Variants in SLC22A3 observed in about 807,000 individuals in gnomAD.
SLC22A3 encodes solute carrier family 22 member 3.
In SLC22A3, 51 loss-of-function variants were observed where a neutral mutation model predicts 59.1. That is an observed-to-expected ratio of 0.86 (90% confidence interval 0.69 to 1.09). The LOEUF is 1.09. Among genes scored for constraint, SLC22A3 ranks in the 50% least tolerant of loss-of-function variants. SLC22A3 has a pLI of 0.00. For missense variants in SLC22A3, 711 were observed against 726.3 expected, an observed-to-expected ratio of 0.98 and a Z score of 0.24; for synonymous variants, 325 against 292.0, an observed-to-expected ratio of 1.11 and a Z score of -1.15.
At chr6:160,437,664 T>G (rs548757088) in intron 7 of SLC22A3, among the ~76,000 whole-genome samples, 2 of 152,232 alleles carry the variant, frequency 1.3e-5, no homozygotes, top group African/African-American at 2.4e-5. Flanking sequence ...ATTCTTATTG[T>G]CATGAATTAT....
At chr6:160,383,361 A>G (rs73782569) in intron 1 of SLC22A3, among the ~76,000 whole-genome samples, 1,905 of 152,082 alleles carry the variant, frequency 0.013, 47 homozygotes, top group African/African-American at 0.043. Context: ...CTTCAAATGT[A>G]ATTGTCAGAA....
Position 160,436,864 on chromosome 6 carries a change from C to T in SLC22A3, c.1060C>T (p.Leu354Phe). Reference protein sequence around the residue: ...TPQMRKCTLILMFAWFTSAVV... With the variant: ...TPQMRKCTLIFMFAWFTSAVV... ...CCAAATGAGGAAATGCACACTTATTCTTATGTTTGCTTGGTAAGTTTGACT... is the reference window on the plus strand; with the variant it reads ...CCAAATGAGGAAATGCACACTTATTTTTATGTTTGCTTGGTAAGTTTGACT... The change falls in exon 6 of 11, where the codon CTT (leucine) becomes TTT (phenylalanine). Residue 354 changes from leucine to phenylalanine, a missense_variant. Leu to Phe is a conservative substitution (Grantham distance 22). Transcript: ENST00000275300. The T allele has an allele frequency of 6.2e-7, 1 of 1,613,386 alleles. No individual in the cohort carries two copies. The highest frequency in any genetic ancestry group is 8.5e-7 in the Non-Finnish European group (1 of 1,179,428).
At position 160,348,846 on chromosome 6, in the gene SLC22A3, G is replaced by C; in HGVS notation, c.427G>C (p.Glu143Gln). 2 of 1,583,210 alleles carry C rather than the reference G, an allele frequency of 1.3e-6. No individual in the cohort carries two copies. The highest frequency in any genetic ancestry group is 1.1e-5 in the South Asian group (1 of 88,120). Residue 143 changes from glutamate to glutamine, a missense_variant and splice_region_variant, in exon 1 of 11, where the codon GAG becomes CAG. Physicochemically the swap from Glu to Gln is conservative, Grantham distance 29. Coordinates refer to ENST00000275300, the MANE Select transcript of SLC22A3 (RefSeq NM_021977.4). ...YAQAHSTIVSEFDLVCVNAWM... is the reference protein window; with the variant it reads ...YAQAHSTIVSQFDLVCVNAWM... Reference sequence around the variant, plus strand: ...CCAGGCCCACTCCACCATCGTCAGCGAGGTAAGGGCGCCCCGGCCCTTTGG... The same window carrying C: ...CCAGGCCCACTCCACCATCGTCAGCCAGGTAAGGGCGCCCCGGCCCTTTGG...
At chr6:160,434,587 T>C (rs1196685021) in intron 5 of SLC22A3, among the ~76,000 whole-genome samples, 1 of 152,242 alleles carries the variant, frequency 6.6e-6, no homozygotes, top group African/African-American at 2.4e-5. Context: ...ACACTAGCCA[T>C]TTTAATGTAT....
At chr6:160,437,482 C>T (rs1294686754) in intron 7 of SLC22A3, among the ~76,000 whole-genome samples, 1 of 152,178 alleles carries the variant, frequency 6.6e-6, no homozygotes, top group African/African-American at 2.4e-5. Context: ...TTCTGTTACT[C>T]ATCTTTATGT....
rs541350692 is a variant in SLC22A3, at chr6:160,443,501, G to A, written c.1398-129G>A. On this transcript the variant is annotated intron_variant, in intron 8 of 10. Transcript: ENST00000275300. ...TTTGCTTAGAGTTCTGAGAGTAGTC[G>A]TTTTCAAAGTTAGAAAATGCAAAGT... 7.8e-5 allele frequency: 54 copies of A among 695,412 alleles called. No homozygotes were observed. In the African/African-American group the frequency reaches 8.6e-4, roughly 11 times the overall value. The allele number at this position is 695,412 out of a possible 1,614,324, so 43.1% of individuals were successfully genotyped here.
intron 9 of SLC22A3, among the ~76,000 whole-genome samples, chr6:160,444,421 C>G (rs954703859): frequency 1.3e-5 from 2 of 152,170 alleles, no homozygotes; most frequent in South Asian, 4.1e-4. Flanking sequence ...GGTGTTCTCT[C>G]TCTATGGATA....
At chr6:160,374,240 G>A (rs551083871) in intron 1 of SLC22A3, among the ~76,000 whole-genome samples, 6 of 152,280 alleles carry the variant, frequency 3.9e-5, no homozygotes, top group African/African-American at 1.4e-4. Flanking sequence ...GTTTCTCAAG[G>A]CTTCTCTTGG....
chr6:160,422,879 C>T lies in SLC22A3; in HGVS notation c.975+12033C>T, dbSNP rs551102110. Among the ~76,000 whole-genome samples the T allele has an allele frequency of 2.2e-3, 328 of 151,908 alleles. 3 individuals are homozygous for T. Among genetic ancestry groups the T allele is most frequent in the African/African-American group, 7.7e-3 (317 of 41,380 alleles). ...TAAGTTCTAGGGTACATGTGCACAA[C>T]GTGCAGGTTTGTTACATATGTATAC... On this transcript the variant is annotated intron_variant, in intron 5 of 10. Transcript: ENST00000275300.
intron 5 of SLC22A3, among the ~76,000 whole-genome samples, chr6:160,429,714 G>C (rs1026007152): frequency 6.6e-6 from 1 of 152,132 alleles, no homozygotes; most frequent in Non-Finnish European, 1.5e-5. Flanking sequence ...GCAAGGTTGC[G>C]TACGTGGTAT....
chr6:160,450,375 A>C (rs1034884446), intron 10 of SLC22A3, among the ~76,000 whole-genome samples: 7 of 152,180 alleles, frequency 4.6e-5, no homozygotes, highest in Admixed American at 3.9e-4. Flanking sequence ...ATTCTGCCCG[A>C]TCCCACAAGC....
At chr6:160,431,915 G>A (rs1383086742) in intron 5 of SLC22A3, among the ~76,000 whole-genome samples, 2 of 152,070 alleles carry the variant, frequency 1.3e-5, no homozygotes, top group Admixed American at 1.3e-4. Context: ...ATTCAGGGTT[G>A]GCCAGACCAG....
intron 3 of SLC22A3, among the ~76,000 whole-genome samples, chr6:160,407,657 G>C (rs1023121967): frequency 1.3e-5 from 2 of 152,064 alleles, no homozygotes; most frequent in African/African-American, 4.8e-5. Flanking sequence ...GGAGAAATAG[G>C]TTCTAAAAAT....
chr6:160,393,095 G>A (rs184787299), intron 1 of SLC22A3, among the ~76,000 whole-genome samples: 1 of 151,800 alleles, frequency 6.6e-6, no homozygotes, highest in Admixed American at 6.6e-5. Flanking sequence ...TATTTCCGAT[G>A]GCTTATAACT....
rs1282270309 is a variant in SLC22A3, at chr6:160,437,186, C to T, written c.1263C>T (p.Cys421=). 2 of 1,613,962 alleles carry T rather than the reference C, an allele frequency of 1.2e-6. No homozygotes were observed. Among genetic ancestry groups the T allele is most frequent in the South Asian group, 1.1e-5 (1 of 91,088 alleles). ...GCAATATAGTGGCAGGGGTGGCATGCCTTGTCACTGCGTTCTTACCAGAAG... is the reference window on the plus strand; with the variant it reads ...GCAATATAGTGGCAGGGGTGGCATGTCTTGTCACTGCGTTCTTACCAGAAG... ...AASNIVAGVA[C]LVTAFLPEGI... is the part of the protein sequence containing the mutation. Residue 421 remains cysteine, a synonymous_variant, in exon 7 of 11, where the codon TGC becomes TGT. Transcript: ENST00000275300.
At chr6:160,416,715 T>C (rs996436726) in intron 5 of SLC22A3, among the ~76,000 whole-genome samples, 1 of 152,230 alleles carries the variant, frequency 6.6e-6, no homozygotes, top group African/African-American at 2.4e-5. Context: ...TCCTGCTTGT[T>C]ACTTGTAGTG....
At chr6:160,394,639 G>T (rs1282571837) in intron 1 of SLC22A3, among the ~76,000 whole-genome samples, 1 of 152,226 alleles carries the variant, frequency 6.6e-6, no homozygotes, top group African/African-American at 2.4e-5. Context: ...AAGATGGCAA[G>T]ATCCCAGTCA....
chr6:160,451,053 T>A lies in SLC22A3; in HGVS notation c.1668T>A (p.Leu556=). The A allele has an allele frequency of 6.3e-7, 1 of 1,591,992 alleles. No homozygotes were observed. The highest frequency in any genetic ancestry group is 8.6e-7 in the Non-Finnish European group (1 of 1,167,210). Residue 556 remains leucine, a synonymous_variant, in exon 11 of 11, where the codon CTT becomes CTA. Transcript: ENST00000275300. ...NKKTPVSRSH[L] is the part of the protein sequence containing the mutation. Reference sequence around the variant, plus strand: ...AAACCCCAGTTTCCCGCTCTCACCTTTGAGGCCCCCGACAAAGACAGAAAG... The same window carrying A: ...AAACCCCAGTTTCCCGCTCTCACCTATGAGGCCCCCGACAAAGACAGAAAG...
intron 1 of SLC22A3, among the ~76,000 whole-genome samples, chr6:160,396,441 A>T (rs1786475189): frequency 6.6e-6 from 1 of 152,204 alleles, no homozygotes; most frequent in Non-Finnish European, 1.5e-5. Flanking sequence ...TTGGTGATAG[A>T]TCACTGTGAA....
Sources: allele counts gnomAD v4.1 joint callset (sites outside exome capture counted in the v4.1 genomes callset), GRCh38; gene constraint gnomAD v4.1.1; transcripts MANE v1.5; gene names NCBI Gene and HGNC (gene_info 2026-07-23, HGNC 2026-07-21).